RANBP17: variants seen among roughly 807,000 people sequenced by gnomAD.
RANBP17 encodes the protein ran-binding protein 17.
In RANBP17, 158 loss-of-function variants were observed where a neutral mutation model predicts 141.2. The ratio of observed to expected loss-of-function variants is 1.12; its 90% CI spans 0.98 to 1.28. The LOEUF (loss-of-function observed/expected upper bound fraction) is 1.28. Among genes scored for constraint, RANBP17 ranks in the 50% most tolerant of loss-of-function variants. The pLI, the probability that RANBP17 is intolerant of heterozygous loss-of-function variation, is 0.00. For synonymous variants in RANBP17, 430 were observed against 450.0 expected (o/e 0.96, Z 0.56); for missense variants, 1,438 against 1,290.7 (o/e 1.11, Z -1.75).
At chr5:170,980,369 A>G (rs1453536743) in intron 14 of RANBP17, among the ~76,000 whole-genome samples, 1 of 152,238 alleles carries the variant, frequency 6.6e-6, no homozygotes, top group Non-Finnish European at 1.5e-5. Flanking sequence ...ATTAATCCCC[A>G]AGACAATGGA....
At chr5:171,261,338 C>A (rs564889276) in intron 24 of RANBP17, among the ~76,000 whole-genome samples, 1 of 152,116 alleles carries the variant, frequency 6.6e-6, no homozygotes, top group Non-Finnish European at 1.5e-5. Flanking sequence ...AGATTCAAAC[C>A]TAGACTCACC....
chr5:171,014,774 C>T (rs1266140616), intron 14 of RANBP17, among the ~76,000 whole-genome samples: 3 of 151,852 alleles, frequency 2.0e-5, no homozygotes, highest in African/African-American at 7.2e-5. Flanking sequence ...TGTGCAGATC[C>T]AGAGTTTCAT....
intron 14 of RANBP17, among the ~76,000 whole-genome samples, chr5:171,078,759 G>A (rs1210947809): frequency 1.3e-5 from 2 of 152,152 alleles, no homozygotes; most frequent in African/African-American, 4.8e-5. Flanking sequence ...GCCCACTGTT[G>A]AGACCTACTG....
intron 24 of RANBP17, chr5:171,251,892 TG>T: frequency 6.5e-7 from 1 of 1,532,542 alleles, no homozygotes; most frequent in Non-Finnish European, 9.0e-7. Context: ...AGAAGGAGAT[TG>T]GTCCAGAACA....
chr5:171,099,808 A>G (rs1787003492), intron 14 of RANBP17, among the ~76,000 whole-genome samples: 1 of 152,278 alleles, frequency 6.6e-6, no homozygotes, highest in Middle Eastern at 3.4e-3. Context: ...TGTTTTTAGC[A>G]TGAAGGGGTG....
intron 14 of RANBP17, among the ~76,000 whole-genome samples, chr5:171,121,774 G>A (rs573657650): frequency 5.3e-5 from 8 of 152,146 alleles, no homozygotes; most frequent in Non-Finnish European, 1.0e-4. Context: ...TTGCTGAAAT[G>A]AAGATGGGAG....
intron 27 of RANBP17, among the ~76,000 whole-genome samples, chr5:171,297,149 T>C (rs1768869393): frequency 6.6e-6 from 1 of 152,214 alleles, no homozygotes; most frequent in Non-Finnish European, 1.5e-5. Context: ...TAAGAATGGC[T>C]GGTATCTCAG....
At chr5:171,265,064 T>C (rs1021937331) in intron 24 of RANBP17, among the ~76,000 whole-genome samples, 7 of 152,220 alleles carry the variant, frequency 4.6e-5, no homozygotes, top group Admixed American at 1.3e-4. Flanking sequence ...TAGACCACTG[T>C]TTCCTGTAAA....
chr5:170,904,103 G>A, intron 5 of RANBP17: 1 of 399,890 alleles, frequency 2.5e-6, no homozygotes, highest in Admixed American at 3.0e-5. Flanking sequence ...GAAATGTACA[G>A]ATTTTACATC....
At chr5:170,921,055 A>G (rs1487239281) in intron 11 of RANBP17, among the ~76,000 whole-genome samples, 2 of 152,048 alleles carry the variant, frequency 1.3e-5, no homozygotes, top group Admixed American at 6.6e-5. Flanking sequence ...GTTCACTCTG[A>G]TGATGGTTTC....
rs1267619724 is a variant in RANBP17 at position 170,919,507 on chromosome 5, G to A, written c.1168G>A (p.Val390Ile). 3.1e-6 allele frequency: 5 copies of A among 1,611,626 alleles called. No homozygotes were observed. The African/African-American group carries it at 4.0e-5, about 13-fold the overall frequency. ...LTLWQRMVAS[V>I]PFVKSTEPHL... The stretch of plus-strand genomic sequence containing the variant: ...TCTGTGGCAAAGGATGGTAGCATCT[G>A]TTCCTTTTGTGAAATCAACTGAACC... Residue 390 changes from valine to isoleucine, a missense_variant, in exon 11 of 28, where the codon GTT becomes ATT. By Grantham distance (29) the Val-to-Ile change is conservative (BLOSUM62 3). Coordinates refer to ENST00000523189, the MANE Select transcript of RANBP17 (RefSeq NM_022897.5).
At chr5:171,220,741 C>T (rs1314527610) in intron 21 of RANBP17, among the ~76,000 whole-genome samples, 1 of 152,126 alleles carries the variant, frequency 6.6e-6, no homozygotes, top group African/African-American at 2.4e-5. Context: ...AGCCACCGCG[C>T]CTGGTCCAAA....
At chr5:171,294,367 G>A (rs1243903354) in intron 26 of RANBP17, among the ~76,000 whole-genome samples, 2 of 152,148 alleles carry the variant, frequency 1.3e-5, no homozygotes, top group Non-Finnish European at 2.9e-5. Context: ...GGTGACAGCA[G>A]CAGCCCATCA....
At chr5:170,982,005 C>G (rs955907682) in intron 14 of RANBP17, among the ~76,000 whole-genome samples, 4 of 152,162 alleles carry the variant, frequency 2.6e-5, no homozygotes, top group African/African-American at 9.7e-5. Context: ...TGGAGATTGT[C>G]TCTCCGAAAT....
At chr5:171,093,865 A>G (rs533000623) in intron 14 of RANBP17, among the ~76,000 whole-genome samples, 13 of 152,360 alleles carry the variant, frequency 8.5e-5, no homozygotes, top group Non-Finnish European at 1.5e-4. Flanking sequence ...GTAATTAGAT[A>G]GACCTGGATT....
chr5:171,033,917 G>A (rs938934960), intron 14 of RANBP17, among the ~76,000 whole-genome samples: 5 of 151,940 alleles, frequency 3.3e-5, no homozygotes, highest in African/African-American at 4.8e-5. Context: ...GACCCATCTG[G>A]GCAACATAGT....
chr5:171,000,687 G>A (rs991116102), intron 14 of RANBP17, among the ~76,000 whole-genome samples: 12 of 152,188 alleles, frequency 7.9e-5, no homozygotes, highest in African/African-American at 2.7e-4. Flanking sequence ...AGTCAGCAAA[G>A]CTTGGTGGGA....
At chr5:171,279,855 A>G (rs1053246852) in intron 25 of RANBP17, among the ~76,000 whole-genome samples, 2 of 152,172 alleles carry the variant, frequency 1.3e-5, no homozygotes, top group African/African-American at 4.8e-5. Flanking sequence ...CTAGATTATA[A>G]TTAAGGCTTC....
At chr5:171,061,615 G>A (rs1186821557) in intron 14 of RANBP17, among the ~76,000 whole-genome samples, 2 of 152,080 alleles carry the variant, frequency 1.3e-5, no homozygotes, top group African/African-American at 2.4e-5. Flanking sequence ...GTGTGGTGTG[G>A]TGCTGAAAAA....
Sources: allele counts gnomAD v4.1 joint callset (sites outside exome capture counted in the v4.1 genomes callset), GRCh38; gene constraint gnomAD v4.1.1; transcripts MANE v1.5; gene names NCBI Gene and HGNC (gene_info 2026-07-23, HGNC 2026-07-21).